LCP1: variants seen among roughly 807,000 people sequenced by gnomAD.
The protein encoded by LCP1 is plastin-2.
A neutral mutation model predicts 72.0 loss-of-function variants in LCP1; 23 were observed. That is an observed-to-expected ratio of 0.32 (90% CI 0.23 to 0.45). The LOEUF (loss-of-function observed/expected upper bound fraction) is 0.45, where lower values mean the gene tolerates loss of function less well. Among genes scored for constraint, LCP1 ranks in the 20% least tolerant of loss-of-function variants. LCP1 has a pLI of 1.00. For missense variants in LCP1, 571 were observed against 748.3 expected (o/e 0.76, Z 2.76); for synonymous variants, 245 against 275.4 (o/e 0.89, Z 1.09).
chr13:46,151,653 A>C (rs1172090092), intron 7 of LCP1, among the ~76,000 whole-genome samples: 1 of 152,198 alleles, frequency 6.6e-6, no homozygotes, highest in Non-Finnish European at 1.5e-5. Flanking sequence ...TCTTTCTCAC[A>C]GGTTCTAAGA....
At chr13:46,181,467 C>T (rs1054538678) in intron 1 of LCP1, among the ~76,000 whole-genome samples, 8 of 152,180 alleles carry the variant, frequency 5.3e-5, no homozygotes, top group African/African-American at 1.9e-4. Flanking sequence ...AAAAACACTA[C>T]AATTAAGCAT....
intron 1 of LCP1, among the ~76,000 whole-genome samples, chr13:46,164,695 T>C (rs1265816601): frequency 1.3e-5 from 2 of 152,230 alleles, no homozygotes; most frequent in African/African-American, 4.8e-5. Flanking sequence ...TGAATAGATA[T>C]CTGGAGAGAG....
intron 1 of LCP1, among the ~76,000 whole-genome samples, chr13:46,164,084 T>A (rs1440692369): frequency 6.6e-6 from 1 of 152,234 alleles, no homozygotes; most frequent in Non-Finnish European, 1.5e-5. Context: ...CAGTTAGTTA[T>A]CCTGAAAGCA....
intron 15 of LCP1, 51 bp from the exon 16 acceptor site, chr13:46,127,774 G>T: frequency 6.2e-7 from 1 of 1,606,276 alleles, no homozygotes; most frequent in Non-Finnish European, 8.5e-7. Context: ...AACACAACAC[G>T]AATGGGACCC....
chr13:46,127,578 G>C lies in LCP1; in HGVS notation c.*13C>G, dbSNP rs1307614036. On this transcript the variant is annotated 3_prime_UTR_variant, in exon 16 of 16. Transcript: ENST00000323076. ...GAGTGAGTGCACCGCCTCCCACCCAGCCCCATTGGGCCTCACACCCTCTTC... is the reference window on the plus strand; with the variant it reads ...GAGTGAGTGCACCGCCTCCCACCCACCCCCATTGGGCCTCACACCCTCTTC... 5 of 1,613,842 alleles carry C rather than the reference G, an allele frequency of 3.1e-6. No homozygotes were observed. The highest frequency in any genetic ancestry group is 4.2e-6 in the Non-Finnish European group (5 of 1,179,962).
intron 12 of LCP1, among the ~76,000 whole-genome samples, chr13:46,143,017 T>C (rs2045707760): frequency 6.6e-6 from 1 of 152,170 alleles, no homozygotes; most frequent in South Asian, 2.1e-4. Flanking sequence ...GAGGGAAAAA[T>C]CCCTGTGGCT....
chr13:46,155,817 C>T (rs1199861590), intron 5 of LCP1, among the ~76,000 whole-genome samples: 1 of 152,208 alleles, frequency 6.6e-6, no homozygotes, highest in Non-Finnish European at 1.5e-5. Context: ...GATTTCTGTG[C>T]ATCACTCAAA....
chr13:46,135,006 G>A (rs1319682745), intron 13 of LCP1, among the ~76,000 whole-genome samples: 1 of 151,798 alleles, frequency 6.6e-6, no homozygotes, highest in Non-Finnish European at 1.5e-5. Flanking sequence ...CTACTAGGGA[G>A]GCTGAGGTAG....
intron 15 of LCP1, among the ~76,000 whole-genome samples, chr13:46,128,070 G>T (rs1246337643): frequency 6.7e-6 from 1 of 149,018 alleles, no homozygotes; most frequent in Non-Finnish European, 1.5e-5. Flanking sequence ...TGAACTCCTG[G>T]CCTCAAGAGA....
At chr13:46,138,596 C>T (rs757388212) in intron 13 of LCP1, among the ~76,000 whole-genome samples, 21 of 152,116 alleles carry the variant, frequency 1.4e-4, no homozygotes, top group Non-Finnish European at 2.6e-4. Context: ...TATTGCAAGA[C>T]GTTTTTCAGA....
At position 46,126,691 on chromosome 13, in the gene LCP1, G is replaced by A. The variant is rs2045600482; in HGVS notation, c.*900C>T. 2 of 231,458 alleles carry A rather than the reference G, an allele frequency of 8.6e-6. No individual in the cohort carries two copies. Among genetic ancestry groups the A allele is most frequent in the Admixed American group, 1.1e-4 (2 of 17,712 alleles). 14.3% of individuals were successfully genotyped at this position (231,458 alleles called of 1,614,324 possible). Reference sequence around the variant, plus strand: ...ACTAGATCTAATGTGAGGGCTAAATGCCTGGAGAGGCAGAACCCTAAAGGA... The same window carrying A: ...ACTAGATCTAATGTGAGGGCTAAATACCTGGAGAGGCAGAACCCTAAAGGA... On this transcript the variant is annotated 3_prime_UTR_variant, in exon 16 of 16. Transcript: ENST00000323076.
At chr13:46,131,045 C>T in intron 14 of LCP1, 107 bp from the exon 15 acceptor site, 1 of 1,150,104 alleles carries the variant, frequency 8.7e-7, no homozygotes. Context: ...ATATATACAG[C>T]CTGGTCTGGG....
chr13:46,168,930 T>G (rs971080414), intron 1 of LCP1, among the ~76,000 whole-genome samples: 3 of 152,194 alleles, frequency 2.0e-5, no homozygotes, highest in African/African-American at 7.2e-5. Context: ...TCTTTCATAG[T>G]TTTCTTTGCT....
chr13:46,140,904 A>C (rs944861259), intron 13 of LCP1, among the ~76,000 whole-genome samples: 1 of 152,250 alleles, frequency 6.6e-6, no homozygotes, highest in African/African-American at 2.4e-5. Context: ...CAAGTTATAC[A>C]AAATGAAACA....
intron 13 of LCP1, among the ~76,000 whole-genome samples, chr13:46,136,259 C>G (rs983468295): frequency 6.6e-6 from 1 of 152,188 alleles, no homozygotes; most frequent in African/African-American, 2.4e-5. Flanking sequence ...ATCATTTGAA[C>G]AATCCTCAGC....
intron 15 of LCP1, among the ~76,000 whole-genome samples, chr13:46,129,716 G>C (rs2045622299): frequency 6.6e-6 from 1 of 152,158 alleles, no homozygotes. Flanking sequence ...CCGGGCACTA[G>C]ATACTTGTAT....
rs1404788726 is a variant in LCP1 at position 46,151,055 on chromosome 13, C to T, written c.763G>A (p.Gly255Ser). 2.5e-6 allele frequency: 4 copies of T among 1,613,730 alleles called. No homozygotes were observed. Among genetic ancestry groups the T allele is most frequent in the Non-Finnish European group, 3.4e-6 (4 of 1,179,928 alleles). The change falls in exon 8 of 16, where the codon GGT becomes AGT. Residue 255 changes from glycine to serine, a missense_variant. By Grantham distance (56) the Gly-to-Ser change is moderately conservative (BLOSUM62 0). Transcript: ENST00000323076. ...NEALIALLRE[G>S]ESLEDLMKLS... ...TTCATCAAATCCTCCAGGCTCTCACCTTCTCTCAAAAGAGCAATCAGAGCT... is the reference window on the plus strand; with the variant it reads ...TTCATCAAATCCTCCAGGCTCTCACTTTCTCTCAAAAGAGCAATCAGAGCT...
chr13:46,153,667 C>T (rs1401967276), intron 6 of LCP1, among the ~76,000 whole-genome samples: 3 of 150,362 alleles, frequency 2.0e-5, no homozygotes, highest in Non-Finnish European at 4.4e-5. Flanking sequence ...TGCCATCACA[C>T]TCCAGCCTGG....
At chr13:46,170,496 G>T (rs2045899703) in intron 1 of LCP1, among the ~76,000 whole-genome samples, 1 of 152,206 alleles carries the variant, frequency 6.6e-6, no homozygotes. Flanking sequence ...CTGCTTGTAA[G>T]CTGAGCGCTG....
Sources: allele counts gnomAD v4.1 joint callset (sites outside exome capture counted in the v4.1 genomes callset), GRCh38; gene constraint gnomAD v4.1.1; transcripts MANE v1.5; gene names NCBI Gene and HGNC (gene_info 2026-07-23, HGNC 2026-07-21).